Variants in RXRA observed in about 807,000 individuals in gnomAD.
The protein encoded by RXRA is retinoid X receptor alpha.
Under a neutral mutation model 44.5 loss-of-function variants are expected in RXRA, and 5 were observed. That is an observed-to-expected ratio of 0.11 (90% CI 0.06 to 0.24). RXRA has a LOEUF of 0.24. Among genes scored for constraint, RXRA ranks in the 10% least tolerant of loss-of-function variants. The pLI, the probability that RXRA is intolerant of heterozygous loss-of-function variation, is 1.00. For missense variants in RXRA, 412 were observed against 646.5 expected (o/e 0.64, Z 3.93); for synonymous variants, 291 against 271.4 (o/e 1.07, Z -0.71).
intron 6 of RXRA, chr9:134,427,025 G>A (rs566172067): frequency 1.0e-6 from 1 of 982,496 alleles, no homozygotes; most frequent in African/African-American, 1.7e-5. Flanking sequence ...AGTGGGCCCG[G>A]GGCTCCTGTC....
intron 6 of RXRA, chr9:134,422,999 C>A: frequency 1.0e-6 from 1 of 985,504 alleles, no homozygotes; most frequent in Non-Finnish European, 1.2e-6. Flanking sequence ...CATCACACTC[C>A]CCGTGATGCC....
chr9:134,337,350 C>G (rs1830023750), intron 1 of RXRA, among the ~76,000 whole-genome samples: 1 of 152,046 alleles, frequency 6.6e-6, no homozygotes, highest in African/African-American at 2.4e-5. Flanking sequence ...ATCCATCAGG[C>G]TCCTCCTGGC....
At chr9:134,387,154 C>T (rs1830732019) in intron 1 of RXRA, among the ~76,000 whole-genome samples, 1 of 152,334 alleles carries the variant, frequency 6.6e-6, no homozygotes, top group Non-Finnish European at 1.5e-5. Context: ...GTCGGAGGGT[C>T]CCCACACCCA....
At chr9:134,344,007 C>CA in intron 1 of RXRA, among the ~76,000 whole-genome samples, 1 of 152,220 alleles carries the variant, frequency 6.6e-6, no homozygotes. Context: ...CTGAGGTTCC[C>CA]GGGGGCCGTG....
intron 3 of RXRA, 66 bp from the exon 4 acceptor site, chr9:134,408,874 G>A: frequency 7.1e-7 from 1 of 1,416,510 alleles, no homozygotes; most frequent in Admixed American, 2.7e-5. Context: ...GGCGGCGTTG[G>A]ATGGGGGGTG....
In RXRA at chr9:134,426,009, C is replaced by T. The variant is rs901824077; in HGVS notation, c.911-3099C>T. On this transcript the variant is annotated intron_variant, in intron 6 of 9. Coordinates refer to ENST00000481739, the MANE Select transcript of RXRA (RefSeq NM_002957.6). The surrounding 1 kb of genome is among the most constrained non-coding windows in gnomAD (Gnocchi z 4.6). ...GACTCTGTGCTGTTCCTTCCGGAAG[C>T]GCTGTCCAGGGGTCCTGCAACCCCA... 12 of 984,972 alleles carry T rather than the reference C, an allele frequency of 1.2e-5. No homozygotes were observed. The Admixed American group carries it at 1.8e-4, about 15-fold the overall frequency. The allele number at this position is 984,972 out of a possible 1,614,324, so 61.0% of individuals were successfully genotyped here. A position where few individuals can be genotyped will look rare whatever the true frequency, so the allele number is the denominator to read the frequency against.
chr9:134,368,620 G>A (rs1830445541), intron 1 of RXRA, among the ~76,000 whole-genome samples: 2 of 151,848 alleles, frequency 1.3e-5, no homozygotes. Context: ...GCATGTGGAT[G>A]TATGTGTGTG....
intron 1 of RXRA, among the ~76,000 whole-genome samples, chr9:134,367,512 G>A (rs1292428168): frequency 6.6e-6 from 1 of 152,222 alleles, no homozygotes; most frequent in Non-Finnish European, 1.5e-5. Flanking sequence ...CTTTACAGAT[G>A]GGAAACTGAG....
At chr9:134,427,084 G>A (rs1831446124) in intron 6 of RXRA, 2 of 982,578 alleles carry the variant, frequency 2.0e-6, no homozygotes, top group African/African-American at 3.5e-5. Flanking sequence ...CTGGGCCACA[G>A]ATTACCCACA....
rs1253928735 is a variant in RXRA, at chr9:134,417,622, T to A, written c.780+295T>A. 6.6e-6 allele frequency among the ~76,000 whole-genome samples: 1 copy of A among 151,240 alleles called. No individual in the cohort carries two copies. Among genetic ancestry groups the A allele is most frequent in the Non-Finnish European group, 1.5e-5 (1 of 67,870 alleles). ...CATCATCATCCTCGGCCACCTCTGCTGGGGCCTCAGCCGCCGTGTCCCCTC... is the reference window on the plus strand; with the variant it reads ...CATCATCATCCTCGGCCACCTCTGCAGGGGCCTCAGCCGCCGTGTCCCCTC... On this transcript the variant is annotated intron_variant, in intron 5 of 9. Transcript: ENST00000481739. This position sits in a 1 kb window ranked among gnomAD's most constrained non-coding sequence, Gnocchi z 6.1.
At chr9:134,396,747 T>C (rs771388071) in intron 1 of RXRA, among the ~76,000 whole-genome samples, 1 of 152,178 alleles carries the variant, frequency 6.6e-6, no homozygotes, top group Non-Finnish European at 1.5e-5. Flanking sequence ...AACGCCGTCC[T>C]TCCCTCCGCT....
chr9:134,434,623 G>T (rs1357384408), intron 9 of RXRA, among the ~76,000 whole-genome samples: 1 of 152,230 alleles, frequency 6.6e-6, no homozygotes, highest in African/African-American at 2.4e-5. Flanking sequence ...CTACAAGTGT[G>T]TACGGAATAG....
chr9:134,341,644 C>A (rs546300841), intron 1 of RXRA, among the ~76,000 whole-genome samples: 26 of 152,346 alleles, frequency 1.7e-4, no homozygotes, highest in African/African-American at 6.0e-4. Flanking sequence ...GGCTGGCTCG[C>A]AGCTTGGCCG....
chr9:134,329,039 C>T (rs571567043), intron 1 of RXRA, among the ~76,000 whole-genome samples: 1 of 152,368 alleles, frequency 6.6e-6, no homozygotes, highest in South Asian at 2.1e-4. Flanking sequence ...GGGGAGAAGG[C>T]CCCCGCTGGC....
chr9:134,427,178 A>G, intron 6 of RXRA: 2 of 984,704 alleles, frequency 2.0e-6, no homozygotes, highest in Non-Finnish European at 2.4e-6. Flanking sequence ...AACAAAAAAA[A>G]AAAAAAGAGG....
intron 1 of RXRA, among the ~76,000 whole-genome samples, chr9:134,371,536 T>C (rs1830491155): frequency 1.3e-5 from 2 of 152,176 alleles, no homozygotes; most frequent in South Asian, 4.1e-4. Context: ...TAACATGATC[T>C]CCCCTAGGCC....
At position 134,437,084 on chromosome 9, in the gene RXRA, C is replaced by T. The variant is rs1176912213; in HGVS notation, c.*470C>T. The T allele has an allele frequency of 6.6e-5, 11 of 167,284 alleles. No homozygotes were observed. The highest frequency in any genetic ancestry group is 1.4e-4 in the South Asian group (1 of 6,982). 10.4% of individuals were successfully genotyped at this position (167,284 alleles called of 1,614,324 possible). A position where few individuals can be genotyped will look rare whatever the true frequency, so the allele number is the denominator to read the frequency against. On this transcript the variant is annotated 3_prime_UTR_variant, in exon 10 of 10. Coordinates refer to ENST00000481739, the MANE Select transcript of RXRA (RefSeq NM_002957.6). ...TCTGAATACTGGTGCCCAGCCAGCC[C>T]GTGACAGCTTCCCCCTAATCAGGAG... is the stretch of plus-strand genomic sequence containing the variant.
At chr9:134,424,304 G>C in intron 6 of RXRA, 1 of 985,370 alleles carries the variant, frequency 1.0e-6, no homozygotes, top group Non-Finnish European at 1.2e-6. Flanking sequence ...AAGCCATCCC[G>C]TGGCATCTCT....
At chr9:134,422,550 T>TGGGAGAGTCCCCACTCCC in intron 6 of RXRA, 2 of 1,053,172 alleles carry the variant, frequency 1.9e-6, no homozygotes, top group Non-Finnish European at 2.3e-6. Context: ...TCCCCCCTCC[T>TGGGAGAGTCCCCACTCCC]GGGACAGTCC....
Sources: gnomAD v4.1 joint callset for allele counts (sites outside exome capture counted in the v4.1 genomes callset) on GRCh38, gnomAD v4.1.1 for gene constraint, Gnocchi (gnomAD v3.1) non-coding constraint, MANE v1.5 for transcripts, NCBI Gene and HGNC (gene_info 2026-07-23, HGNC 2026-07-21) for gene names.